PTX3: variants seen among roughly 807,000 people sequenced by gnomAD.
The protein encoded by PTX3 is pentraxin 3, also known as pentraxin-related protein PTX3.
In PTX3, 24 loss-of-function variants were observed where a neutral mutation model predicts 23.5. The observed-to-expected ratio is 1.02, with a 90% CI of 0.74 to 1.43. The LOEUF is 1.43. Among genes scored for constraint, PTX3 ranks in the 40% most tolerant of loss-of-function variants. PTX3 has a pLI of 0.00. For synonymous variants in PTX3, 218 were observed against 205.4 expected (o/e 1.06, Z -0.53); for missense variants, 510 against 497.5 (o/e 1.02, Z -0.24).
At chr3:157,438,205 T>A (rs980126767) in intron 2 of PTX3, among the ~76,000 whole-genome samples, 1 of 151,900 alleles carries the variant, frequency 6.6e-6, no homozygotes, top group Non-Finnish European at 1.5e-5. Flanking sequence ...AGTCTTGAAA[T>A]AGACGTCTAG....
At chr3:157,438,048 C>T in intron 2 of PTX3, 134 bp downstream of exon 2, 1 of 721,928 alleles carries the variant, frequency 1.4e-6, no homozygotes, top group Non-Finnish European at 2.2e-6. Flanking sequence ...CACACACACA[C>T]ACACACACAC....
At chr3:157,438,069 A>ACACCCACC (rs1553786708) in intron 2 of PTX3, among the ~76,000 whole-genome samples, 155 bp downstream of exon 2, 100 of 149,668 alleles carry the variant, frequency 6.7e-4, no homozygotes, top group African/African-American at 2.4e-3. Flanking sequence ...ACACACACAC[A>ACACCCACC]CACCCCTATT....
rs1309026638 is a variant in PTX3, at chr3:157,437,662, C to G, written c.280C>G (p.Arg94Gly). The change falls in exon 2 of 3, where the codon CGG (arginine) becomes GGG (glycine). Residue 94 changes from arginine to glycine, a missense_variant. Physicochemically the swap from Arg to Gly is moderately radical, Grantham distance 125 (BLOSUM62 -2). Coordinates refer to ENST00000295927, the MANE Select transcript of PTX3 (RefSeq NM_002852.4). The stretch of plus-strand genomic sequence containing the variant: ...GCAGAGGCTGCGGGAGGAGCTGGGC[C>G]GGCTCGCGGAAAGCCTGGCGAGGCC... ...ELQRLREELG[R>G]LAESLARPCA... is the part of the protein sequence containing the mutation. 1 of 1,541,122 alleles carries G rather than the reference C, an allele frequency of 6.5e-7. No homozygotes were observed. Among genetic ancestry groups the G allele is most frequent in the East Asian group, 2.4e-5 (1 of 40,888 alleles).
At position 157,442,929 on chromosome 3, in the gene PTX3, T is replaced by A. The variant is rs751641189; in HGVS notation, c.1096T>A (p.Trp366Arg). The change falls in exon 3 of 3, where the codon TGG (tryptophan) becomes AGG (arginine). Residue 366 changes from tryptophan (W) to arginine (R), a missense_variant. Transcript: ENST00000295927. ...TCACATCCGGGGGAATATTGTTGGG[T>A]GGGGAGTCACAGAGATCCAGCCACA... ...SCHIRGNIVG[W>R]GVTEIQPHGG... 1 of 1,613,892 alleles carries A rather than the reference T, an allele frequency of 6.2e-7. No individual in the cohort carries two copies. The highest frequency in any genetic ancestry group is 8.5e-7 in the Non-Finnish European group (1 of 1,179,870).
chr3:157,437,942 C>G lies in PTX3; in HGVS notation c.532+28C>G, dbSNP rs559117890. 8.5e-5 allele frequency: 130 copies of G among 1,526,600 alleles called. 5 individuals are homozygous for G. The African/African-American group carries it at 1.0e-3, about 12-fold the overall frequency. 94.6% of individuals were successfully genotyped at this position (1,526,600 alleles called of 1,614,324 possible). A position where few individuals can be genotyped will look rare whatever the true frequency, so the allele number is the denominator to read the frequency against. On this transcript the variant is annotated intron_variant, in intron 2 of 2. Transcript: ENST00000295927. Reference sequence around the variant, plus strand: ...AAGGAGGCAAGCGGGGCCGGGACCTCCCACTGCGGCTTTGTTCCGGGAGCG... The same window carrying G: ...AAGGAGGCAAGCGGGGCCGGGACCTGCCACTGCGGCTTTGTTCCGGGAGCG...
At position 157,437,796 on chromosome 3, in the gene PTX3, G is replaced by T. The variant is rs1349378403; in HGVS notation, c.414G>T (p.Glu138Asp). 2.7e-6 allele frequency: 4 copies of T among 1,462,866 alleles called. No individual in the cohort carries two copies. The highest frequency in any genetic ancestry group is 5.5e-5 in the Admixed American group (2 of 36,352). The allele number at this position is 1,462,866 out of a possible 1,614,324, so 90.6% of individuals were successfully genotyped here. A position where few individuals can be genotyped will look rare whatever the true frequency, so the allele number is the denominator to read the frequency against. ...GRRLARMEGA[E>D]AQRPEEAGRA... Reference sequence around the variant, plus strand: ...GGCTGGCGCGTATGGAGGGCGCGGAGGCGCAGCGCCCAGAGGAGGCGGGGC... The same window carrying T: ...GGCTGGCGCGTATGGAGGGCGCGGATGCGCAGCGCCCAGAGGAGGCGGGGC... Residue 138 changes from glutamate to aspartate, a missense_variant, in exon 2 of 3, where the codon GAG becomes GAT. Transcript: ENST00000295927.
Position 157,436,898 on chromosome 3 carries a change from C to A in PTX3, c.-36C>A. On this transcript the variant is annotated 5_prime_UTR_variant, in exon 1 of 3. Transcript: ENST00000295927. ...CTCAGCTCACTTGAGAGTCTCCTCC[C>A]GCCAGCTGTGGAAAGAACTTTGCGT... 6.2e-7 allele frequency: 1 copy of A among 1,606,012 alleles called. No individual in the cohort carries two copies. Among genetic ancestry groups the A allele is most frequent in the South Asian group, 1.1e-5 (1 of 90,444 alleles).
chr3:157,439,287 G>C (rs1255549175), intron 2 of PTX3, among the ~76,000 whole-genome samples: 2 of 152,164 alleles, frequency 1.3e-5, no homozygotes, highest in African/African-American at 2.4e-5. Context: ...ATATTAGTTA[G>C]AGCAGAAGAG....
chr3:157,441,061 G>C (rs1734080766), intron 2 of PTX3, among the ~76,000 whole-genome samples: 1 of 152,176 alleles, frequency 6.6e-6, no homozygotes. Flanking sequence ...GAATGGAAGG[G>C]CCTTTTTTAG....
In PTX3 at chr3:157,438,037, G is replaced by GCGCGCACACA. The variant is rs1553786688; in HGVS notation, c.532+124_532+125insGCGCACACAC. On this transcript the variant is annotated intron_variant, in intron 2 of 2. Transcript: ENST00000295927. ...TCATGGGAAGCGCGCGCGCGCGCGC[G>GCGCGCACACA]CACACACACACACACACACACACAC... The GCGCGCACACA allele has an allele frequency of 5.8e-6, 3 of 516,100 alleles. No homozygotes were observed. In the South Asian group the frequency reaches 7.3e-5, roughly 13 times the overall value. 32.0% of individuals were successfully genotyped at this position (516,100 alleles called of 1,614,324 possible). A position where few individuals can be genotyped will look rare whatever the true frequency, so the allele number is the denominator to read the frequency against.
Position 157,436,905 on chromosome 3 carries a change from T to C in PTX3, c.-29T>C. 2.5e-6 allele frequency: 4 copies of C among 1,608,152 alleles called. No homozygotes were observed. The highest frequency in any genetic ancestry group is 3.4e-6 in the Non-Finnish European group (4 of 1,176,202). On this transcript the variant is annotated 5_prime_UTR_variant, in exon 1 of 3. Coordinates refer to ENST00000295927, the MANE Select transcript of PTX3 (RefSeq NM_002852.4). ...CACTTGAGAGTCTCCTCCCGCCAGC[T>C]GTGGAAAGAACTTTGCGTCTCTCCA... is the stretch of plus-strand genomic sequence containing the variant.
At chr3:157,438,035 G>GCTCA (rs1294089889) in intron 2 of PTX3, 121 bp downstream of exon 2, 2 of 701,924 alleles carry the variant, frequency 2.8e-6, no homozygotes, top group East Asian at 3.5e-5. Flanking sequence ...GCGCGCGCGC[G>GCTCA]CGCACACACA....
Position 157,437,571 on chromosome 3 carries a change from G to A in PTX3, c.189G>A (p.Leu63=). The A allele has an allele frequency of 1.3e-6, 2 of 1,599,722 alleles. No homozygotes were observed. Among genetic ancestry groups the A allele is most frequent in the Non-Finnish European group, 8.5e-7 (1 of 1,174,672 alleles). The part of the protein sequence containing the change: ...HSEWDKLFIM[L]ENSQMRERML... ...AATGGGACAAGCTCTTCATCATGCT[G>A]GAGAACTCGCAGATGAGAGAGCGCA... The change falls in exon 2 of 3, where the codon CTG becomes CTA. Residue 63 remains leucine, a synonymous_variant. Coordinates refer to ENST00000295927, the MANE Select transcript of PTX3 (RefSeq NM_002852.4).
At position 157,436,969 on chromosome 3, in the gene PTX3, G is replaced by A. The variant is rs575833727; in HGVS notation, c.36G>A (p.Trp12Ter). 2 of 1,613,970 alleles carry A rather than the reference G, an allele frequency of 1.2e-6. No individual in the cohort carries two copies. Among genetic ancestry groups the A allele is most frequent in the South Asian group, 2.2e-5 (2 of 91,074 alleles). Reference sequence around the variant, plus strand: ...TTGCGATTCTGTTTTGTGCTCTCTGGTCTGCAGTGTTGGCCGAGAACTCGG... The same window carrying A: ...TTGCGATTCTGTTTTGTGCTCTCTGATCTGCAGTGTTGGCCGAGAACTCGG... ...HLLAILFCAL[W>*]SAVLAENSDD... The change falls in exon 1 of 3, where the codon TGG (tryptophan) becomes TGA (stop). Residue 12 changes from tryptophan to a stop codon, truncating the protein, a stop_gained. Coordinates refer to ENST00000295927, the MANE Select transcript of PTX3 (RefSeq NM_002852.4). LOFTEE classifies it high-confidence loss of function.
Position 157,436,926 on chromosome 3 carries a change from C to T in PTX3, c.-8C>T. Reference sequence around the variant, plus strand: ...CAGCTGTGGAAAGAACTTTGCGTCTCTCCAGCAATGCATCTCCTTGCGATT... The same window carrying T: ...CAGCTGTGGAAAGAACTTTGCGTCTTTCCAGCAATGCATCTCCTTGCGATT... On this transcript the variant is annotated 5_prime_UTR_variant, in exon 1 of 3. Coordinates refer to ENST00000295927, the MANE Select transcript of PTX3 (RefSeq NM_002852.4). 1 of 1,612,822 alleles carries T rather than the reference C, an allele frequency of 6.2e-7. No individual in the cohort carries two copies. The highest frequency in any genetic ancestry group is 8.5e-7 in the Non-Finnish European group (1 of 1,179,296).
Position 157,443,087 on chromosome 3 carries a change from T to C in PTX3, c.*108T>C. On this transcript the variant is annotated 3_prime_UTR_variant, in exon 3 of 3. Coordinates refer to ENST00000295927, the MANE Select transcript of PTX3 (RefSeq NM_002852.4). ...GCATAATAGGAACACTTGAGACTAA[T>C]GAAAGAGAGAGTTGAGACCAATCTT... The C allele has an allele frequency of 1.5e-6, 2 of 1,306,286 alleles. No individual in the cohort carries two copies. The highest frequency in any genetic ancestry group is 1.0e-6 in the Non-Finnish European group (1 of 961,038). The allele number at this position is 1,306,286 out of a possible 1,614,324, so 80.9% of individuals were successfully genotyped here. A position where few individuals can be genotyped will look rare whatever the true frequency, so the allele number is the denominator to read the frequency against.
intron 2 of PTX3, among the ~76,000 whole-genome samples, chr3:157,442,029 CT>C (rs1175302953): frequency 6.6e-6 from 1 of 151,950 alleles, no homozygotes; most frequent in African/African-American, 2.4e-5. Context: ...AGTGATTCAA[CT>C]TTTTTAAAAA....
At position 157,438,031 on chromosome 3, in the gene PTX3, GCGCGCGCACACACACACA is replaced by G. The variant is rs1369129984; in HGVS notation, c.532+119_532+136del. 4 of 820,202 alleles carry G rather than the reference GCGCGCGCACACACACACA, an allele frequency of 4.9e-6. No homozygotes were observed. The African/African-American group carries it at 8.5e-5, about 17-fold the overall frequency. 50.8% of individuals were successfully genotyped at this position (820,202 alleles called of 1,614,324 possible). Reference sequence around the variant, plus strand: ...AAGCTTTCATGGGAAGCGCGCGCGCGCGCGCGCACACACACACACACACACACACACACACACACACCC... The same window carrying G: ...AAGCTTTCATGGGAAGCGCGCGCGCGCACACACACACACACACACACACCC... On this transcript the variant is annotated intron_variant, in intron 2 of 2. Coordinates refer to ENST00000295927, the MANE Select transcript of PTX3 (RefSeq NM_002852.4).
chr3:157,442,623 C>T lies in PTX3; in HGVS notation c.790C>T (p.Leu264=), dbSNP rs1734216613. 1.2e-6 allele frequency: 2 copies of T among 1,614,154 alleles called. No homozygotes were observed. Among genetic ancestry groups the T allele is most frequent in the Non-Finnish European group, 1.7e-6 (2 of 1,180,034 alleles). Residue 264 remains leucine (L), a synonymous_variant, in exon 3 of 3, where the codon CTG becomes TTG. Coordinates refer to ENST00000295927, the MANE Select transcript of PTX3 (RefSeq NM_002852.4). ...NKLVAEAMVS[L]GRWTHLCGTW... ...ACTGGTTGCTGAAGCCATGGTTTCCCTGGGAAGGTGGACCCACCTGTGCGG... is the reference window on the plus strand; with the variant it reads ...ACTGGTTGCTGAAGCCATGGTTTCCTTGGGAAGGTGGACCCACCTGTGCGG...
Sources: allele counts gnomAD v4.1 joint callset (sites outside exome capture counted in the v4.1 genomes callset), GRCh38; gene constraint gnomAD v4.1.1; transcripts MANE v1.5; gene names NCBI Gene and HGNC (gene_info 2026-07-23, HGNC 2026-07-21).